The following RIT2 variants were observed in gnomAD, a reference collection of about 807,000 sequenced individuals.
RIT2 encodes Ras like without CAAX 2.
A neutral mutation model predicts 23.7 loss-of-function variants in RIT2; 24 were observed. The ratio of observed to expected loss-of-function variants is 1.01; its 90% confidence interval spans 0.73 to 1.43. RIT2 has a LOEUF of 1.43. Among genes scored for constraint, RIT2 ranks in the 40% most tolerant of loss-of-function variants. The pLI, the probability that RIT2 is intolerant of heterozygous loss-of-function variation, is 0.00. For missense variants in RIT2, 236 were observed against 266.9 expected, an observed-to-expected ratio of 0.88 and a Z score of 0.81; for synonymous variants, 107 against 91.1, an observed-to-expected ratio of 1.17 and a Z score of -0.99.
chr18:42,833,158 T>A (rs535125901), intron 4 of RIT2, among the ~76,000 whole-genome samples: 49 of 152,208 alleles, frequency 3.2e-4, no homozygotes, highest in Middle Eastern at 3.4e-3. Flanking sequence ...CACACACCCT[T>A]TTCAGCCTCT....
intron 4 of RIT2, among the ~76,000 whole-genome samples, chr18:42,748,456 T>C (rs117723458): frequency 0.023 from 3,547 of 152,002 alleles, 58 homozygotes; most frequent in Non-Finnish European, 0.035. Flanking sequence ...TTAGCATGGA[T>C]GTGGTTAAAA....
At chr18:42,993,599 C>T (rs1910906647) in intron 2 of RIT2, among the ~76,000 whole-genome samples, 2 of 152,096 alleles carry the variant, frequency 1.3e-5, no homozygotes, top group African/African-American at 2.4e-5. Context: ...CTTTTAAGTA[C>T]TCCTTTTTAG....
intron 4 of RIT2, among the ~76,000 whole-genome samples, chr18:42,796,565 T>G (rs1388754294): frequency 2.0e-5 from 3 of 152,154 alleles, no homozygotes; most frequent in African/African-American, 7.2e-5. Flanking sequence ...ACTAATACAG[T>G]GAATTAAGCT....
chr18:42,829,751 G>A (rs1281903073), intron 4 of RIT2, among the ~76,000 whole-genome samples: 2 of 152,118 alleles, frequency 1.3e-5, no homozygotes, highest in Admixed American at 6.6e-5. Flanking sequence ...GTTAGGAGAT[G>A]TGGATTAAAA....
intron 4 of RIT2, among the ~76,000 whole-genome samples, chr18:42,880,311 T>C (rs1270139792): frequency 6.6e-6 from 1 of 152,184 alleles, no homozygotes; most frequent in Non-Finnish European, 1.5e-5. Flanking sequence ...CAGTTTTCTC[T>C]ACTGCTAGCT....
chr18:43,112,778 TA>T (rs1432781612), intron 1 of RIT2, among the ~76,000 whole-genome samples: 2 of 152,014 alleles, frequency 1.3e-5, no homozygotes, highest in African/African-American at 4.8e-5. Context: ...TTAATATACA[TA>T]AAAAATCTCC....
chr18:42,925,330 A>T (rs1909153524), intron 3 of RIT2, among the ~76,000 whole-genome samples: 1 of 152,032 alleles, frequency 6.6e-6, no homozygotes, highest in Non-Finnish European at 1.5e-5. Context: ...CCCATAATTG[A>T]CAGGACTTGA....
chr18:42,837,211 A>G (rs1213897723), intron 4 of RIT2, among the ~76,000 whole-genome samples: 2 of 97,188 alleles, frequency 2.1e-5, no homozygotes, highest in African/African-American at 3.8e-5. Context: ...TTTATCTCCC[A>G]GGCTGGAGTG....
At chr18:43,027,329 AT>A (rs1911756841) in intron 2 of RIT2, among the ~76,000 whole-genome samples, 1 of 152,104 alleles carries the variant, frequency 6.6e-6, no homozygotes, top group South Asian at 2.1e-4. Flanking sequence ...CGAATTTTTA[AT>A]GTTTCTTAAT....
At chr18:43,091,451 A>G (rs969159970) in intron 1 of RIT2, among the ~76,000 whole-genome samples, 2 of 152,058 alleles carry the variant, frequency 1.3e-5, no homozygotes, top group African/African-American at 2.4e-5. Context: ...ATAGATTTGC[A>G]CTGGTGATAT....
chr18:43,083,817 G>C (rs751096720), intron 1 of RIT2, among the ~76,000 whole-genome samples: 1 of 152,136 alleles, frequency 6.6e-6, no homozygotes, highest in Non-Finnish European at 1.5e-5. Context: ...TTAGGATATA[G>C]GCATGGGCAA....
At chr18:42,877,739 C>T (rs930476153) in intron 4 of RIT2, among the ~76,000 whole-genome samples, 1 of 151,626 alleles carries the variant, frequency 6.6e-6, no homozygotes, top group Non-Finnish European at 1.5e-5. Context: ...CAATTTAACA[C>T]CCGACCTTAT....
chr18:43,090,455 G>A (rs969090956), intron 1 of RIT2, among the ~76,000 whole-genome samples: 2 of 152,152 alleles, frequency 1.3e-5, no homozygotes, highest in African/African-American at 2.4e-5. Flanking sequence ...GTGGAAGACA[G>A]TGTGGCAATT....
At chr18:42,787,354 A>G (rs1913946148) in intron 4 of RIT2, among the ~76,000 whole-genome samples, 1 of 152,164 alleles carries the variant, frequency 6.6e-6, no homozygotes, top group South Asian at 2.1e-4. Flanking sequence ...GCAGCACACC[A>G]ACATGGCACA....
chr18:43,115,541 A>C lies in RIT2; in HGVS notation c.-22T>G, dbSNP rs1011517877. ...CCATCTTACCCGAGGGACCGGAGGA[A>C]AAAAAGAAGGAGAAAGTCACCCGTG... is the stretch of plus-strand genomic sequence containing the variant. On this transcript the variant is annotated 5_prime_UTR_variant, in exon 1 of 5. Transcript: ENST00000326695. The C allele has an allele frequency of 6.2e-7, 1 of 1,601,666 alleles. No individual in the cohort carries two copies. The highest frequency in any genetic ancestry group is 8.5e-7 in the Non-Finnish European group (1 of 1,176,660).
At chr18:42,749,788 C>T (rs912843203) in intron 4 of RIT2, among the ~76,000 whole-genome samples, 8 of 151,788 alleles carry the variant, frequency 5.3e-5, no homozygotes, top group African/African-American at 1.7e-4. Context: ...TTGTCCTAAA[C>T]ATTAGACAAA....
chr18:43,033,686 G>A (rs963269803), intron 2 of RIT2, 125 bp downstream of exon 2: 5 of 683,178 alleles, frequency 7.3e-6, no homozygotes, highest in Non-Finnish European at 1.3e-5. Context: ...TGATAGATTT[G>A]TGTGTATGTG....
intron 4 of RIT2, among the ~76,000 whole-genome samples, chr18:42,854,832 C>T (rs955716138): frequency 6.6e-6 from 1 of 152,140 alleles, no homozygotes. Context: ...GACATAAATA[C>T]TGAGTAATCC....
intron 1 of RIT2, among the ~76,000 whole-genome samples, chr18:43,043,816 A>G (rs1177446195): frequency 2.6e-5 from 4 of 152,102 alleles, no homozygotes; most frequent in African/African-American, 9.7e-5. Context: ...ACAAATAAAT[A>G]AATAAATCAA....
Sources: allele counts gnomAD v4.1 joint callset (sites outside exome capture counted in the v4.1 genomes callset), GRCh38; gene constraint gnomAD v4.1.1; transcripts MANE v1.5; gene names NCBI Gene and HGNC (gene_info 2026-07-23, HGNC 2026-07-21).